Variants in RAP1GAP2 observed in about 807,000 individuals in gnomAD.
RAP1GAP2 encodes the protein rap1 GTPase-activating protein 2.
RAP1GAP2 carries 27 observed loss-of-function variants against 95.0 expected under a neutral mutation model. That is an observed-to-expected ratio of 0.28 (90% confidence interval 0.21 to 0.39). The LOEUF (loss-of-function observed/expected upper bound fraction) is 0.39. RAP1GAP2 is among the 10% of genes least tolerant of loss of function. RAP1GAP2 has a pLI of 1.00. For missense variants in RAP1GAP2, 771 were observed against 970.0 expected (o/e 0.79, Z 2.72); for synonymous variants, 373 against 380.9 (o/e 0.98, Z 0.24).
intron 22 of RAP1GAP2, among the ~76,000 whole-genome samples, chr17:3,028,182 A>G (rs914988944): frequency 2.6e-5 from 4 of 152,056 alleles, no homozygotes; most frequent in African/African-American, 7.2e-5. Flanking sequence ...GGTTGGTTGT[A>G]TGAAGATGAA....
upstream of RAP1GAP2, among the ~76,000 whole-genome samples, chr17:2,794,106 A>G (rs974933924): frequency 6.6e-6 from 1 of 151,414 alleles, no homozygotes. Context: ...AAAAAAAAAA[A>G]AGACATGATC....
chr17:2,759,335 C>T (rs2071203392), intron 1 of RAP1GAP2, among the ~76,000 whole-genome samples: 1 of 152,150 alleles, frequency 6.6e-6, no homozygotes. Context: ...GGATAGAGTG[C>T]AGTGGCTCAA....
At chr17:2,796,154 T>C (rs1401559988), upstream of RAP1GAP2, among the ~76,000 whole-genome samples, 7 of 152,126 alleles carry the variant, frequency 4.6e-5, no homozygotes, top group Admixed American at 4.6e-4. This position sits in a 1 kb window ranked among gnomAD's most constrained non-coding sequence, Gnocchi z 4.7. Flanking sequence ...CTCCTAGGCG[T>C]GGCTGTGGGA....
rs71377568 is a variant in RAP1GAP2, at chr17:3,013,627, C to CTTTTTTT, written c.1495-4430_1495-4429insTTTTTTT. Among the ~76,000 whole-genome samples, 350 of 78,802 alleles carry CTTTTTTT rather than the reference C, an allele frequency of 4.4e-3. 16 individuals carry two copies. The highest frequency in any genetic ancestry group is 6.0e-3 in the African/African-American group (113 of 18,824). 51.7% of individuals were successfully genotyped at this position (78,802 alleles called of 152,430 possible). On this transcript the variant is annotated intron_variant, in intron 17 of 24. Transcript: ENST00000254695. ...AGCCTCTGAGTTTTTCTTTTCTTTT[C>CTTTTTTT]TTTTCTTTTTTTTTTTTTTTTTTTT...
intron 3 of RAP1GAP2, among the ~76,000 whole-genome samples, chr17:2,936,528 C>G (rs2043317263): frequency 6.6e-6 from 1 of 152,016 alleles, no homozygotes; most frequent in Non-Finnish European, 1.5e-5. Context: ...ACTCAGAACA[C>G]CTGGCTTTGC....
rs1198455302 is a variant in RAP1GAP2 at position 2,932,857 on chromosome 17, G to A, written c.166-24902G>A. Among the ~76,000 whole-genome samples the A allele has an allele frequency of 3.5e-5, 5 of 144,346 alleles. No individual in the cohort carries two copies. In the Admixed American group the frequency reaches 3.5e-4, roughly 10 times the overall value. The allele number at this position is 144,346 out of a possible 152,430, so 94.7% of individuals were successfully genotyped here. ...AAAAAAAAAAAAGAGCAGGGACCAC[G>A]GGCAGGGTATGGGTTCCATGTCTGG... On this transcript the variant is annotated intron_variant, in intron 3 of 24. Transcript: ENST00000254695.
Position 2,797,600 on chromosome 17 carries a change from G to A in RAP1GAP2, c.44+1029G>A, listed in dbSNP as rs971928378. 6.7e-6 allele frequency: 5 copies of A among 741,292 alleles called. No homozygotes were observed. In the East Asian group the frequency reaches 3.9e-4, roughly 58 times the overall value. 45.9% of individuals were successfully genotyped at this position (741,292 alleles called of 1,614,324 possible). On this transcript the variant is annotated intron_variant, in intron 1 of 24. Transcript: ENST00000254695. This position sits in a 1 kb window ranked among gnomAD's most constrained non-coding sequence, Gnocchi z 5.6. ...TCGGTAATTTTTCGCTTCCGTGTGT[G>A]TGGCTTATTTCCCTCTTCCTCCTCT...
intron 3 of RAP1GAP2, among the ~76,000 whole-genome samples, chr17:2,905,669 T>C (rs1285474276): frequency 1.3e-5 from 2 of 152,152 alleles, no homozygotes; most frequent in Admixed American, 1.3e-4. Flanking sequence ...AGCCGGGGGA[T>C]AGAAGGCAGC....
chr17:2,896,210 C>T (rs573581374), intron 2 of RAP1GAP2, among the ~76,000 whole-genome samples: 97 of 152,234 alleles, frequency 6.4e-4, no homozygotes, highest in Non-Finnish European at 1.1e-3. Context: ...GTGGGTGTGC[C>T]GTGCCTGCAG....
chr17:2,941,582 A>G (rs1003436919), intron 3 of RAP1GAP2, among the ~76,000 whole-genome samples: 4 of 151,540 alleles, frequency 2.6e-5, no homozygotes, highest in African/African-American at 9.7e-5. Flanking sequence ...AGAGGTGGTG[A>G]GATGTGGGAT....
At chr17:2,952,558 A>C (rs2043957650) in intron 3 of RAP1GAP2, among the ~76,000 whole-genome samples, 1 of 152,132 alleles carries the variant, frequency 6.6e-6, no homozygotes, top group Non-Finnish European at 1.5e-5. Flanking sequence ...TCAGGTGTGC[A>C]CTCAGCAGAG....
intron 2 of RAP1GAP2, among the ~76,000 whole-genome samples, chr17:2,892,774 G>A (rs1241202276): frequency 6.6e-6 from 1 of 152,120 alleles, no homozygotes; most frequent in Non-Finnish European, 1.5e-5. Flanking sequence ...GTCTCATTCT[G>A]TTGGTCAAGA....
Position 2,903,852 on chromosome 17 carries a change from G to A in RAP1GAP2, c.81-1432G>A, listed in dbSNP as rs2042104918. Among the ~76,000 whole-genome samples the A allele has an allele frequency of 6.6e-6, 1 of 152,198 alleles. No homozygotes were observed. Among genetic ancestry groups the A allele is most frequent in the African/African-American group, 2.4e-5 (1 of 41,450 alleles). On this transcript the variant is annotated intron_variant, in intron 2 of 24. Coordinates refer to ENST00000254695, the MANE Select transcript of RAP1GAP2 (RefSeq NM_015085.5). The surrounding 1 kb of genome is among the most constrained non-coding windows in gnomAD (Gnocchi z 4.1). ...AGCCTGGTCCTGCTCCGTGGGCTCA[G>A]GGAGCCAGGCAGGATGGGGTCTGGG...
chr17:2,861,149 C>T (rs2072371139), intron 2 of RAP1GAP2, among the ~76,000 whole-genome samples: 1 of 152,094 alleles, frequency 6.6e-6, no homozygotes, highest in Admixed American at 6.6e-5. Flanking sequence ...ACTCTTCACT[C>T]ACATGGCATC....
intron 17 of RAP1GAP2, among the ~76,000 whole-genome samples, chr17:3,014,253 C>T (rs1265368162): frequency 6.6e-6 from 1 of 152,160 alleles, no homozygotes. Flanking sequence ...GCTATAGAGC[C>T]TGTGGCTGCC....
rs545825209 is a variant in RAP1GAP2, at chr17:2,877,472, G to T, written c.81-27812G>T. Among the ~76,000 whole-genome samples the T allele has an allele frequency of 1.7e-4, 26 of 152,300 alleles. No individual in the cohort carries two copies. In the South Asian group the frequency reaches 2.5e-3, roughly 15 times the overall value. ...CTCACAAATCTCCCTGCCTGGCCGG[G>T]TGTGGTGGCTCACACCTGTAATCCC... On this transcript the variant is annotated intron_variant, in intron 2 of 24. Coordinates refer to ENST00000254695, the MANE Select transcript of RAP1GAP2 (RefSeq NM_015085.5).
Position 3,018,208 on chromosome 17 carries a change from G to C in RAP1GAP2, c.1632+10G>C. The C allele has an allele frequency of 1.3e-6, 2 of 1,553,184 alleles. No homozygotes were observed. The highest frequency in any genetic ancestry group is 1.7e-6 in the Non-Finnish European group (2 of 1,150,348). Reference sequence around the variant, plus strand: ...CAAGACCACCTTCTCGGTGAGTGCTGGCAGGCCCCGGGGCGGCAAGTGGGT... The same window carrying C: ...CAAGACCACCTTCTCGGTGAGTGCTCGCAGGCCCCGGGGCGGCAAGTGGGT... On this transcript the variant is annotated intron_variant, in intron 18 of 24. Coordinates refer to ENST00000254695, the MANE Select transcript of RAP1GAP2 (RefSeq NM_015085.5).
At chr17:2,912,112 A>G (rs2042404807) in intron 3 of RAP1GAP2, among the ~76,000 whole-genome samples, 1 of 152,196 alleles carries the variant, frequency 6.6e-6, no homozygotes, top group Non-Finnish European at 1.5e-5. Context: ...CTCCACGGCC[A>G]GGGAATGCCC....
chr17:2,762,136 C>T (rs1305117989), intron 1 of RAP1GAP2, among the ~76,000 whole-genome samples: 2 of 151,384 alleles, frequency 1.3e-5, no homozygotes, highest in African/African-American at 2.4e-5. Context: ...TACAGGCGCC[C>T]GCCACCACGC....
Sources: gnomAD v4.1 joint callset for allele counts (sites outside exome capture counted in the v4.1 genomes callset) on GRCh38, gnomAD v4.1.1 for gene constraint, Gnocchi (gnomAD v3.1) non-coding constraint, MANE v1.5 for transcripts, NCBI Gene and HGNC (gene_info 2026-07-23, HGNC 2026-07-21) for gene names.